TCF4: variants seen among roughly 807,000 people sequenced by gnomAD.
TCF4 encodes SL3-3 enhancer factor 2.
A neutral mutation model predicts 82.1 loss-of-function variants in TCF4; 3 were observed. That is an observed-to-expected ratio of 0.04 (90% CI 0.02 to 0.09). The LOEUF (loss-of-function observed/expected upper bound fraction) is 0.09, where lower values mean the gene tolerates loss of function less well. Ranked by LOEUF, TCF4 falls within the 10% of genes least tolerant of loss-of-function variation. TCF4 has a pLI of 1.00. For missense variants in TCF4, 518 were observed against 852.7 expected (o/e 0.61, Z 4.89); for synonymous variants, 276 against 309.6 (o/e 0.89, Z 1.14).
At chr18:55,251,192 C>T (rs558671940) in intron 15 of TCF4, among the ~76,000 whole-genome samples, 41 of 152,142 alleles carry the variant, frequency 2.7e-4, no homozygotes, top group African/African-American at 8.9e-4. Context: ...AGGAATTGGT[C>T]TTTATCTTGT....
At chr18:55,593,561 G>A (rs944868823), upstream of TCF4, among the ~76,000 whole-genome samples, 1 of 152,180 alleles carries the variant, frequency 6.6e-6, no homozygotes, top group African/African-American at 2.4e-5. Context: ...CAAGTGGGAT[G>A]ACTGGGCCAA....
At chr18:55,265,196 C>T (rs1308452494) in intron 11 of TCF4, 2 of 152,264 alleles carry the variant, frequency 1.3e-5, no homozygotes, top group African/African-American at 2.4e-5. Context: ...AGGCTGGGAA[C>T]ATCATGAAGG....
chr18:55,577,083 T>A (rs1448689417), intron 3 of TCF4, among the ~76,000 whole-genome samples: 3 of 146,328 alleles, frequency 2.1e-5, no homozygotes, highest in East Asian at 2.0e-4. Context: ...ATATATATAT[T>A]ATATATACAT....
At position 55,584,096 on chromosome 18, in the gene TCF4, G is replaced by A. The variant is rs555639493; in HGVS notation, c.145+1184C>T. Among the ~76,000 whole-genome samples the A allele has an allele frequency of 1.6e-3, 244 of 152,100 alleles. 1 individual carries two copies. The highest frequency in any genetic ancestry group is 2.6e-3 in the Non-Finnish European group (175 of 67,952). ...CGAGACACAAATTCCCTAAACTTAG[G>A]CAGGCAATAGAAGGAGAAGGAACTT... On this transcript the variant is annotated intron_variant, in intron 3 of 19. Transcript: ENST00000354452.
chr18:55,507,070 C>A (rs758581925), intron 3 of TCF4, among the ~76,000 whole-genome samples: 7 of 152,086 alleles, frequency 4.6e-5, no homozygotes, highest in Non-Finnish European at 2.9e-5. Context: ...ACCATGTTGG[C>A]CAGGCTGGTC....
At position 55,403,504 on chromosome 18, in the gene TCF4, C is replaced by T. The variant is rs2093937518; in HGVS notation, c.319G>A (p.Gly107Ser). The change falls in exon 6 of 20, where the codon GGC becomes AGC. Residue 107 changes from glycine to serine, a missense_variant. By Grantham distance (56) the Gly-to-Ser change is moderately conservative. This residue lies in a region of TCF4 where 80 missense variants were observed against 93.8 expected (regional missense o/e 0.85). Transcript: ENST00000354452. ...TCTCTCCCATAAGATGAGTATGAGC[C>T]CCTTTCTGTTTTACCTGCCAAGAGA... is the stretch of plus-strand genomic sequence containing the variant. ...NSRIQSKTER[G>S]SYSSYGRESN... 1.2e-6 allele frequency: 2 copies of T among 1,613,722 alleles called. No individual in the cohort carries two copies. Among genetic ancestry groups the T allele is most frequent in the African/African-American group, 1.3e-5 (1 of 74,974 alleles).
At chr18:55,578,930 CTT>C (rs2097552008) in intron 3 of TCF4, among the ~76,000 whole-genome samples, 2 of 152,072 alleles carry the variant, frequency 1.3e-5, no homozygotes, top group African/African-American at 4.8e-5. Flanking sequence ...AAATAAAATA[CTT>C]TCTTACAGCC....
At chr18:55,437,187 G>T (rs1419183323) in intron 5 of TCF4, among the ~76,000 whole-genome samples, 2 of 152,128 alleles carry the variant, frequency 1.3e-5, no homozygotes, top group African/African-American at 4.8e-5. Context: ...AATTTGGCTT[G>T]CCTTTTTTCT....
At chr18:55,321,901 G>T in intron 8 of TCF4, 1 of 1,408,070 alleles carries the variant, frequency 7.1e-7, no homozygotes, top group Non-Finnish European at 9.2e-7. Flanking sequence ...GCGGGCGGGG[G>T]AGGCCGCGGC....
intron 2 of TCF4, among the ~76,000 whole-genome samples, chr18:55,600,411 C>A (rs1439247115): frequency 6.6e-6 from 1 of 152,176 alleles, no homozygotes; most frequent in Non-Finnish European, 1.5e-5. Context: ...TTGCTGCTGC[C>A]TCCTCAATTA....
chr18:55,614,183 C>T (rs940560112), intron 2 of TCF4, among the ~76,000 whole-genome samples: 1 of 152,204 alleles, frequency 6.6e-6, no homozygotes, highest in Non-Finnish European at 1.5e-5. Flanking sequence ...GCATAAGCCA[C>T]TAGACCCAGT....
chr18:55,631,273 A>C, intron 2 of TCF4: 1 of 1,097,722 alleles, frequency 9.1e-7, no homozygotes, highest in Non-Finnish European at 1.3e-6. Context: ...TGTCTTGAAC[A>C]CCTGACCTCA....
intron 8 of TCF4, among the ~76,000 whole-genome samples, chr18:55,309,932 G>C (rs1055280942): frequency 6.6e-6 from 1 of 152,092 alleles, no homozygotes; most frequent in African/African-American, 2.4e-5. Flanking sequence ...CCATCTTCCA[G>C]AAACAGAAAT....
chr18:55,274,566 C>T (rs2061085393), intron 10 of TCF4, among the ~76,000 whole-genome samples: 2 of 152,082 alleles, frequency 1.3e-5, no homozygotes, highest in African/African-American at 4.8e-5. Context: ...CACATGAATC[C>T]AGAATGATTT....
intron 8 of TCF4, among the ~76,000 whole-genome samples, chr18:55,343,186 T>C (rs1362180558): frequency 6.6e-6 from 1 of 152,134 alleles, no homozygotes; most frequent in Admixed American, 6.6e-5. Context: ...TGAGAAAATA[T>C]AAGTCTTTCT....
intron 8 of TCF4, among the ~76,000 whole-genome samples, chr18:55,299,165 C>A (rs2067355493): frequency 6.6e-6 from 1 of 152,216 alleles, no homozygotes; most frequent in South Asian, 2.1e-4. Flanking sequence ...AATCCCAGCA[C>A]TTTGGGAGGC....
intron 3 of TCF4, among the ~76,000 whole-genome samples, chr18:55,520,830 A>G (rs1031575616): frequency 1.3e-5 from 2 of 152,166 alleles, no homozygotes; most frequent in South Asian, 2.1e-4. Context: ...TATTCCTATT[A>G]CCAGTTAACC....
At chr18:55,298,545 T>A (rs2067189173) in intron 8 of TCF4, among the ~76,000 whole-genome samples, 1 of 152,218 alleles carries the variant, frequency 6.6e-6, no homozygotes, top group Non-Finnish European at 1.5e-5. Context: ...AACTTCTCAG[T>A]ATATCACTCT....
chr18:55,492,491 A>T (rs1232830552), intron 3 of TCF4, among the ~76,000 whole-genome samples: 1 of 152,220 alleles, frequency 6.6e-6, no homozygotes, highest in East Asian at 1.9e-4. Flanking sequence ...TTTCTTCCTT[A>T]CAGAAGCTTC....
Sources: gnomAD v4.1 joint callset for allele counts (sites outside exome capture counted in the v4.1 genomes callset) on GRCh38, gnomAD v4.1.1 for gene constraint, gnomAD v4.1.1 regional missense constraint, MANE v1.5 for transcripts, NCBI Gene and HGNC (gene_info 2026-07-23, HGNC 2026-07-21) for gene names.